The following RP1L1 variants were observed in gnomAD, a reference collection of about 807,000 sequenced individuals.
RP1L1 encodes retinitis pigmentosa 1-like 1 protein.
RP1L1 carries 27 observed loss-of-function variants against 15.7 expected under a neutral mutation model. The observed-to-expected ratio is 1.72, with a 90% CI of 1.27 to 2.38. The LOEUF (loss-of-function observed/expected upper bound fraction) is 2.38, where lower values mean the gene tolerates loss of function less well. Ranked by LOEUF, RP1L1 falls within the 30% of genes most tolerant of loss-of-function variation. The probability of loss-of-function intolerance (pLI) is 0.00; values close to 1 mark genes in which losing one functional copy is unlikely to be tolerated. For missense variants in RP1L1, 4,798 were observed against 3,075.9 expected (o/e 1.56, Z -13.24); for synonymous variants, 1,813 against 1,276.7 (o/e 1.42, Z -8.96).
Position 10,611,234 on chromosome 8 carries a change from G to T in RP1L1, c.2864C>A (p.Ala955Asp). 6.2e-7 allele frequency: 1 copy of T among 1,613,026 alleles called. No homozygotes were observed. Among genetic ancestry groups the T allele is most frequent in the Non-Finnish European group, 8.5e-7 (1 of 1,180,022 alleles). The stretch of plus-strand genomic sequence containing the variant: ...GTTGTCCAGCCATTCGCGGACCACA[G>T]CCTCTGGAGACGAGCGGGGCAGAGA... ...PSSLPRSSPE[A>D]VVREWLDNIP... The change falls in exon 4 of 4, where the codon GCT (alanine) becomes GAT (aspartate). Residue 955 changes from alanine (A) to aspartate (D), a missense_variant. Transcript: ENST00000382483.
At position 10,612,015 on chromosome 8, in the gene RP1L1, C is replaced by A. The variant is rs750298485; in HGVS notation, c.2083G>T (p.Ala695Ser). 6.2e-7 allele frequency: 1 copy of A among 1,613,886 alleles called. No homozygotes were observed. Among genetic ancestry groups the A allele is most frequent in the Admixed American group, 1.7e-5 (1 of 60,032 alleles). The change falls in exon 4 of 4, where the codon GCC becomes TCC. Residue 695 changes from alanine (A) to serine (S), a missense_variant. Coordinates refer to ENST00000382483, the MANE Select transcript of RP1L1 (RefSeq NM_178857.6). The part of the protein sequence containing the change: ...QVPRPPERRR[A>S]CQDGSVPRYS... ...CGTGGCACTGAGCCATCCTGGCAGG[C>A]CCTTCGCCGCTCAGGAGGCCTCGGC... is the stretch of plus-strand genomic sequence containing the variant.
intron 1 of RP1L1, among the ~76,000 whole-genome samples, chr8:10,643,650 T>A (rs1301718061): frequency 6.6e-6 from 1 of 152,106 alleles, no homozygotes; most frequent in African/African-American, 2.4e-5. Flanking sequence ...TGGGAAAAGC[T>A]GGAATGTGGT....
chr8:10,613,273 T>A lies in RP1L1; in HGVS notation c.825A>T (p.Pro275=). The change falls in exon 4 of 4, where the codon CCA becomes CCT. Residue 275 remains proline (P), a synonymous_variant. Coordinates refer to ENST00000382483, the MANE Select transcript of RP1L1 (RefSeq NM_178857.6). ...GGGGGTTGCTAGGACCAGGCCTTTC[T>A]GGCAGCCGTGGCGTGCTGCCTGGCG... ...RSPPGSTPRL[P]ERPGPSNPPV... 6.2e-7 allele frequency: 1 copy of A among 1,608,156 alleles called. No homozygotes were observed. Among genetic ancestry groups the A allele is most frequent in the Non-Finnish European group, 8.5e-7 (1 of 1,179,990 alleles).
At chr8:10,618,461 C>G (rs138055276) in intron 2 of RP1L1, among the ~76,000 whole-genome samples, 1 of 152,128 alleles carries the variant, frequency 6.6e-6, no homozygotes, top group Non-Finnish European at 1.5e-5. Flanking sequence ...GAGCTAAGAT[C>G]GTGCCACTGC....
At position 10,654,431 on chromosome 8, in the gene RP1L1, G is replaced by C. The variant is rs28674874; in HGVS notation, c.-20+467C>G. Among the ~76,000 whole-genome samples the C allele has an allele frequency of 3.6e-3, 540 of 151,974 alleles. 2 individuals carry two copies. Among genetic ancestry groups the C allele is most frequent in the African/African-American group, 0.012 (512 of 41,402 alleles). On this transcript the variant is annotated intron_variant, in intron 1 of 3. Transcript: ENST00000382483. ...GGTCTTCAGAGATTCTTGAAGTCTC[G>C]GTCCTCTAAGAAGCAAATTGGACAC...
chr8:10,612,741 C>T lies in RP1L1; in HGVS notation c.1357G>A (p.Ala453Thr), dbSNP rs747124917. The T allele has an allele frequency of 6.2e-6, 10 of 1,607,262 alleles. No homozygotes were observed. Among genetic ancestry groups the T allele is most frequent in the Non-Finnish European group, 8.5e-6 (10 of 1,179,624 alleles). The change falls in exon 4 of 4, where the codon GCC becomes ACC. Residue 453 changes from alanine (A) to threonine (T), a missense_variant. By Grantham distance (58) the Ala-to-Thr change is moderately conservative. Coordinates refer to ENST00000382483, the MANE Select transcript of RP1L1 (RefSeq NM_178857.6). ...AGRERCSQDS[A>T]SPASSTGLPE... is the part of the protein sequence containing the mutation. The stretch of plus-strand genomic sequence containing the variant: ...AGGCCGGTGCTGGAGGCTGGGCTGG[C>T]ACTGTCCTGGCTGCATCTCTCCCTC...
rs774768798 is a variant in RP1L1, at chr8:10,610,411, C to T, written c.3687G>A (p.Glu1229=). The T allele has an allele frequency of 1.5e-5, 24 of 1,613,976 alleles. No homozygotes were observed. The highest frequency in any genetic ancestry group is 2.0e-5 in the Non-Finnish European group (24 of 1,180,030). Residue 1229 remains glutamate, a synonymous_variant, in exon 4 of 4, where the codon GAG becomes GAA. Coordinates refer to ENST00000382483, the MANE Select transcript of RP1L1 (RefSeq NM_178857.6). ...MDGTLVTQGT[E]LPLKTSNQRP... is the part of the protein sequence containing the mutation. Reference sequence around the variant, plus strand: ...TCTGGTTGGAGGTTTTCAGGGGCAGCTCTGTCCCCTGTGTCACCAGGGTGC... The same window carrying T: ...TCTGGTTGGAGGTTTTCAGGGGCAGTTCTGTCCCCTGTGTCACCAGGGTGC...
At chr8:10,613,702 G>C (rs1400543773) in intron 3 of RP1L1, among the ~76,000 whole-genome samples, 2 of 151,768 alleles carry the variant, frequency 1.3e-5, no homozygotes, top group Admixed American at 6.6e-5. Flanking sequence ...GCTGAGGCAG[G>C]AGAATCCCCT....
At chr8:10,645,907 C>G (rs1798469839) in intron 1 of RP1L1, among the ~76,000 whole-genome samples, 1 of 152,196 alleles carries the variant, frequency 6.6e-6, no homozygotes, top group Admixed American at 6.5e-5. Flanking sequence ...TGCACCTGGC[C>G]TTTCTCCTCT....
intron 1 of RP1L1, among the ~76,000 whole-genome samples, chr8:10,636,488 G>C (rs558749707): frequency 9.2e-5 from 14 of 152,162 alleles, no homozygotes; most frequent in Non-Finnish European, 1.3e-4. Flanking sequence ...ACTGAGCCTC[G>C]CCTGTGCAGT....
intron 1 of RP1L1, among the ~76,000 whole-genome samples, chr8:10,638,741 G>T (rs550140187): frequency 2.9e-4 from 44 of 152,272 alleles, no homozygotes; most frequent in South Asian, 2.5e-3. Flanking sequence ...CAAACAAGGG[G>T]GCTCTCCAGA....
chr8:10,611,152 T>C lies in RP1L1; in HGVS notation c.2946A>G (p.Ala982=). 6.2e-7 allele frequency: 1 copy of C among 1,612,954 alleles called. No individual in the cohort carries two copies. Among genetic ancestry groups the C allele is most frequent in the African/African-American group, 1.3e-5 (1 of 75,058 alleles). ...TYELADETTG[A]AGGGLRGPEV... ...CGGGGCCTCTCAGGCCACCCCCAGC[T>C]GCACCTGTGGTCTCGTCCGCCAACT... The change falls in exon 4 of 4, where the codon GCA becomes GCG. Residue 982 remains alanine, a synonymous_variant. Coordinates refer to ENST00000382483, the MANE Select transcript of RP1L1 (RefSeq NM_178857.6).
rs185345872 is a variant in RP1L1, at chr8:10,609,354, G to A, written c.4744C>T (p.Arg1582Trp). The A allele has an allele frequency of 5.3e-5, 85 of 1,612,382 alleles. No homozygotes were observed. In the Middle Eastern group the frequency reaches 8.3e-4, roughly 16 times the overall value. The change falls in exon 4 of 4, where the codon CGG (arginine) becomes TGG (tryptophan). Residue 1582 changes from arginine to tryptophan, a missense_variant. Coordinates refer to ENST00000382483, the MANE Select transcript of RP1L1 (RefSeq NM_178857.6). ...TKRELQKLQGRAGRMVLEPPR... is the reference protein window; with the variant it reads ...TKRELQKLQGWAGRMVLEPPR... ...GGCTCCAGCACCATCCTACCCGCCC[G>A]GCCCTGGAGCTTCTGGAGCTCTCTC...
chr8:10,612,386 C>T lies in RP1L1; in HGVS notation c.1712G>A (p.Gly571Glu), dbSNP rs529296323. The T allele has an allele frequency of 6.2e-7, 1 of 1,612,832 alleles. No individual in the cohort carries two copies. Among genetic ancestry groups the T allele is most frequent in the Admixed American group, 1.7e-5 (1 of 60,028 alleles). Residue 571 changes from glycine (G) to glutamate (E), a missense_variant, in exon 4 of 4, where the codon GGA becomes GAA. By Grantham distance (98) the Gly-to-Glu change is moderately conservative. Coordinates refer to ENST00000382483, the MANE Select transcript of RP1L1 (RefSeq NM_178857.6). ...CAGGGCTGGAGAAGCGGGGTCGCCT[C>T]CCTCGCTGGCCTCCTGCTGAGAGGT... is the stretch of plus-strand genomic sequence containing the variant. ...AETSQQEASEGGDPASPALSL... is the reference protein window; with the variant it reads ...AETSQQEASEEGDPASPALSL...
intron 2 of RP1L1, among the ~76,000 whole-genome samples, chr8:10,620,650 CT>C (rs1310031782): frequency 3.3e-5 from 5 of 152,168 alleles, no homozygotes; most frequent in African/African-American, 1.2e-4. Context: ...GAGCTGAAAG[CT>C]GAGACGGTCA....
At position 10,622,930 on chromosome 8, in the gene RP1L1, C is replaced by T. The variant is rs997812202; in HGVS notation, c.272G>A (p.Ser91Asn). The T allele has an allele frequency of 3.1e-6, 5 of 1,614,074 alleles. No homozygotes were observed. The highest frequency in any genetic ancestry group is 4.2e-6 in the Non-Finnish European group (5 of 1,180,000). Residue 91 changes from serine (S) to asparagine (N), a missense_variant, in exon 2 of 4, where the codon AGC becomes AAC. Coordinates refer to ENST00000382483, the MANE Select transcript of RP1L1 (RefSeq NM_178857.6). The part of the protein sequence containing the change: ...VTTPRGLHSL[S>N]ALEQLEDGGC... ...TCCATCTTCCAGCTGCTCCAGGGCG[C>T]TGAGGCTATGCAGGCCCCGGGGTGT...
chr8:10,616,145 G>T (rs1239010084), intron 3 of RP1L1, among the ~76,000 whole-genome samples: 1 of 152,050 alleles, frequency 6.6e-6, no homozygotes, highest in Non-Finnish European at 1.5e-5. Context: ...CTAGACTCAA[G>T]CTATCCTCTC....
intron 3 of RP1L1, among the ~76,000 whole-genome samples, chr8:10,615,385 G>C (rs1001046305): frequency 6.6e-6 from 1 of 152,174 alleles, no homozygotes; most frequent in African/African-American, 2.4e-5. Context: ...ATGGTTGGTT[G>C]TATGGATGGA....
At chr8:10,642,908 A>G (rs1389435246) in intron 1 of RP1L1, among the ~76,000 whole-genome samples, 1 of 152,252 alleles carries the variant, frequency 6.6e-6, no homozygotes, top group Non-Finnish European at 1.5e-5. Context: ...AGTACCAGCT[A>G]AGATCATAAG....
Sources: gnomAD v4.1 joint callset for allele counts (sites outside exome capture counted in the v4.1 genomes callset) on GRCh38, gnomAD v4.1.1 for gene constraint, MANE v1.5 for transcripts, NCBI Gene and HGNC (gene_info 2026-07-23, HGNC 2026-07-21) for gene names.